PAPPA: variants seen among roughly 807,000 people sequenced by gnomAD.
PAPPA encodes the protein pappalysin-1.
PAPPA carries 60 observed loss-of-function variants against 164.0 expected under a neutral mutation model. The ratio of observed to expected loss-of-function variants is 0.37; its 90% CI spans 0.30 to 0.45. The LOEUF (loss-of-function observed/expected upper bound fraction) is 0.45, where lower values mean the gene tolerates loss of function less well. PAPPA is among the 20% of genes least tolerant of loss of function. The probability of loss-of-function intolerance (pLI) is 1.00; values close to 1 mark genes in which losing one functional copy is unlikely to be tolerated. For missense variants in PAPPA, 1,782 were observed against 2,087.3 expected, an observed-to-expected ratio of 0.85 and a Z score of 2.85; for synonymous variants, 875 against 814.1, an observed-to-expected ratio of 1.07 and a Z score of -1.27.
chr9:116,333,105 C>A (rs2118952667), intron 12 of PAPPA, among the ~76,000 whole-genome samples: 1 of 152,148 alleles, frequency 6.6e-6, no homozygotes, highest in South Asian at 2.1e-4. Context: ...TTGTACCACC[C>A]CTTTGAATAC....
chr9:116,352,011 C>A (rs574121213), intron 15 of PAPPA, among the ~76,000 whole-genome samples: 2 of 152,288 alleles, frequency 1.3e-5, no homozygotes, highest in African/African-American at 4.8e-5. Flanking sequence ...AAGCCTAACT[C>A]CCGTGTTTTA....
In PAPPA at chr9:116,334,978, C is replaced by T; in HGVS notation, c.3515C>T (p.Ala1172Val). 6.2e-7 allele frequency: 1 copy of T among 1,614,000 alleles called. No individual in the cohort carries two copies. The highest frequency in any genetic ancestry group is 8.5e-7 in the Non-Finnish European group (1 of 1,179,994). Reference sequence around the variant, plus strand: ...GTGAGCTTCAGTTCGCCCCTGGTCGCCATCTCGGGGGTGGCCCTCCGTTCC... The same window carrying T: ...GTGAGCTTCAGTTCGCCCCTGGTCGTCATCTCGGGGGTGGCCCTCCGTTCC... ...VRVSFSSPLV[A>V]ISGVALRSFD... The change falls in exon 13 of 22, where the codon GCC (alanine) becomes GTC (valine). Residue 1172 changes from alanine (A) to valine (V), a missense_variant. This residue lies in a region of PAPPA where 1,324 missense variants were observed against 1,656.9 expected (regional missense o/e 0.80). Transcript: ENST00000328252.
Position 116,187,452 on chromosome 9 carries a change from C to T in PAPPA, c.714C>T (p.Leu238=), listed in dbSNP as rs1356334772. The change falls in exon 2 of 22, where the codon CTC becomes CTT. Residue 238 remains leucine (L), a synonymous_variant. Coordinates refer to ENST00000328252, the MANE Select transcript of PAPPA (RefSeq NM_002581.5). This position sits in a 1 kb window ranked among gnomAD's most constrained non-coding sequence, Gnocchi z 4.2. ...CACTGACCCAGAAGTGCAAAGTGCTCATGTTAGGGGGCAGTGCCCTGAATC... is the reference window on the plus strand; with the variant it reads ...CACTGACCCAGAAGTGCAAAGTGCTTATGTTAGGGGGCAGTGCCCTGAATC... ...FSPLTQKCKV[L]MLGGSALNHN... 1.9e-6 allele frequency: 3 copies of T among 1,614,186 alleles called. No homozygotes were observed. Among genetic ancestry groups the T allele is most frequent in the Non-Finnish European group, 1.7e-6 (2 of 1,180,056 alleles).
At position 116,377,615 on chromosome 9, in the gene PAPPA, C is replaced by A; in HGVS notation, c.4645C>A (p.Pro1549Thr). 2 of 1,613,862 alleles carry A rather than the reference C, an allele frequency of 1.2e-6. No individual in the cohort carries two copies. Among genetic ancestry groups the A allele is most frequent in the South Asian group, 2.2e-5 (2 of 91,066 alleles). The change falls in exon 20 of 22, where the codon CCT becomes ACT. Residue 1549 changes from proline (P) to threonine (T), a missense_variant. Pro to Thr is a conservative substitution (Grantham distance 38, BLOSUM62 -1). Transcript: ENST00000328252. ...TGCTGGTCTCAAGTGGTATCCTCAC[C>A]CTGCTCTGATTCACTGTGTCAAAGG... ...CTAGLKWYPHPALIHCVKGCE... is the reference protein window; with the variant it reads ...CTAGLKWYPHTALIHCVKGCE...
At chr9:116,322,235 C>A (rs1445804287) in intron 10 of PAPPA, among the ~76,000 whole-genome samples, 1 of 151,924 alleles carries the variant, frequency 6.6e-6, no homozygotes, top group Non-Finnish European at 1.5e-5. Context: ...ATGGTAAAAA[C>A]CCCATCTCTA....
intron 7 of PAPPA, among the ~76,000 whole-genome samples, chr9:116,237,484 TG>T (rs1844682153): frequency 6.6e-6 from 1 of 152,194 alleles, no homozygotes; most frequent in African/African-American, 2.4e-5. Context: ...TTCCTTTTTT[TG>T]CCTCGAGTTA....
chr9:116,365,566 T>C (rs111325326), intron 18 of PAPPA, among the ~76,000 whole-genome samples: 166 of 137,890 alleles, frequency 1.2e-3, no homozygotes, highest in Middle Eastern at 4.4e-3. Flanking sequence ...TTTTTTTTTT[T>C]CCTCTCTTGG....
chr9:116,261,401 T>A (rs925816515), intron 7 of PAPPA, among the ~76,000 whole-genome samples: 1 of 152,168 alleles, frequency 6.6e-6, no homozygotes, highest in African/African-American at 2.4e-5. Flanking sequence ...CATAGGGTAA[T>A]GAGCCTGTCT....
At chr9:116,191,271 G>T (rs1482729958) in intron 2 of PAPPA, among the ~76,000 whole-genome samples, 2 of 152,190 alleles carry the variant, frequency 1.3e-5, no homozygotes, top group African/African-American at 2.4e-5. Context: ...GGAGGGCTTT[G>T]TCTGTGGGTG....
At chr9:116,274,946 C>T (rs1564206816) in intron 9 of PAPPA, among the ~76,000 whole-genome samples, 1 of 152,000 alleles carries the variant, frequency 6.6e-6, no homozygotes, top group Non-Finnish European at 1.5e-5. Context: ...TGGGAGTAGC[C>T]ACATCCATAC....
chr9:116,270,393 G>A (rs1179482386), intron 8 of PAPPA, among the ~76,000 whole-genome samples: 1 of 152,190 alleles, frequency 6.6e-6, no homozygotes, highest in Non-Finnish European at 1.5e-5. Flanking sequence ...TTGAAATGTG[G>A]CTACTATGAC....
intron 21 of PAPPA, among the ~76,000 whole-genome samples, chr9:116,395,234 G>A (rs1846947533): frequency 6.6e-6 from 1 of 152,186 alleles, no homozygotes; most frequent in Admixed American, 6.5e-5. Flanking sequence ...TCTTTCTGAT[G>A]TTCCATTCTA....
chr9:116,296,409 C>T (rs1453969840), intron 9 of PAPPA, among the ~76,000 whole-genome samples: 3 of 152,202 alleles, frequency 2.0e-5, no homozygotes, highest in Non-Finnish European at 2.9e-5. Flanking sequence ...ATATATTCCT[C>T]AATCACTGGT....
intron 7 of PAPPA, among the ~76,000 whole-genome samples, chr9:116,261,290 C>G (rs955773221): frequency 1.3e-5 from 2 of 152,034 alleles, no homozygotes; most frequent in Non-Finnish European, 2.9e-5. Flanking sequence ...AAGAGATAGA[C>G]AATGATAAAC....
chr9:116,202,992 G>A (rs562720115), intron 2 of PAPPA, among the ~76,000 whole-genome samples: 2 of 152,076 alleles, frequency 1.3e-5, no homozygotes, highest in African/African-American at 2.4e-5. Context: ...GAACAGGTAC[G>A]GACCCTGAGC....
At position 116,302,864 on chromosome 9, in the gene PAPPA, G is replaced by A. The variant is rs760527574; in HGVS notation, c.3061G>A (p.Asp1021Asn). 1 of 1,614,034 alleles carries A rather than the reference G, an allele frequency of 6.2e-7. No homozygotes were observed. Among genetic ancestry groups the A allele is most frequent in the Non-Finnish European group, 8.5e-7 (1 of 1,179,938 alleles). ...CGVYTPQGFL[D>N]QWASNASVSH... ...TGTCTACACGCCCCAGGGATTCCTG[G>A]ATCAGTGGGCATCCAATGCTTCAGT... The change falls in exon 10 of 22, where the codon GAT becomes AAT. Residue 1021 changes from aspartate to asparagine, a missense_variant. Transcript: ENST00000328252.
intron 9 of PAPPA, among the ~76,000 whole-genome samples, chr9:116,292,173 G>A (rs1845444392): frequency 6.6e-6 from 1 of 152,198 alleles, no homozygotes; most frequent in Admixed American, 6.5e-5. Flanking sequence ...GAGGGATAAA[G>A]CAGGGGCTTG....
chr9:116,235,546 T>G lies in PAPPA; in HGVS notation c.2641T>G (p.Cys881Gly). The part of the protein sequence containing the change: ...STADTPLCLQ[C>G]KPLKYKVVRD... ...TGCAGACACCCCACTCTGTCTACAG[T>G]GTAAGCCCCTGAAGTATAAGGTGGT... Residue 881 changes from cysteine to glycine, a missense_variant, in exon 7 of 22, where the codon TGT (cysteine) becomes GGT (glycine). Coordinates refer to ENST00000328252, the MANE Select transcript of PAPPA (RefSeq NM_002581.5). 6.2e-7 allele frequency: 1 copy of G among 1,613,584 alleles called. No individual in the cohort carries two copies. Among genetic ancestry groups the G allele is most frequent in the Non-Finnish European group, 8.5e-7 (1 of 1,179,978 alleles).
chr9:116,178,068 A>G (rs1237427226), intron 1 of PAPPA, among the ~76,000 whole-genome samples: 1 of 152,132 alleles, frequency 6.6e-6, no homozygotes, highest in African/African-American at 2.4e-5. Context: ...AATAATCCCA[A>G]TTCTGAAAAA....
Sources: allele counts gnomAD v4.1 joint callset (sites outside exome capture counted in the v4.1 genomes callset), GRCh38; gene constraint gnomAD v4.1.1; regional missense constraint gnomAD v4.1.1; non-coding constraint Gnocchi (gnomAD v3.1); transcripts MANE v1.5; gene names NCBI Gene and HGNC (gene_info 2026-07-23, HGNC 2026-07-21).